Variants in RXFP1 observed in about 807,000 individuals in gnomAD.
The protein encoded by RXFP1 is relaxin receptor 1.
A neutral mutation model predicts 89.8 loss-of-function variants in RXFP1; 73 were observed. That is an observed-to-expected ratio of 0.81 (90% confidence interval 0.67 to 0.99). RXFP1 has a LOEUF of 0.99. Ranked by LOEUF, RXFP1 falls within the 50% of genes least tolerant of loss-of-function variation. The probability of loss-of-function intolerance (pLI) is 0.00; values close to 1 mark genes in which losing one functional copy is unlikely to be tolerated. For synonymous variants in RXFP1, 277 were observed against 305.5 expected (o/e 0.91, Z 0.97); for missense variants, 793 against 895.5 (o/e 0.89, Z 1.46).
chr4:158,647,786 G>A (rs1393429355), intron 16 of RXFP1, among the ~76,000 whole-genome samples: 5 of 152,140 alleles, frequency 3.3e-5, no homozygotes, highest in Admixed American at 6.5e-5. Flanking sequence ...GGGAGGCCGA[G>A]GCGGGCCAAT....
rs1387627033 is a variant in RXFP1, at chr4:158,651,770, T to C, written c.1989T>C (p.Ser663=). The C allele has an allele frequency of 5.6e-6, 9 of 1,610,484 alleles. No individual in the cohort carries two copies. The highest frequency in any genetic ancestry group is 7.6e-6 in the Non-Finnish European group (9 of 1,178,314). ...TTTCTTTTTTAGGTACCATAACCTC[T>C]TGGGTAGTGATTTTTATTCTGCCCA... ...LQVEIPGTIT[S]WVVIFILPIN... The change falls in exon 18 of 18, where the codon TCT becomes TCC. Residue 663 remains serine (S), a synonymous_variant. Transcript: ENST00000307765.
chr4:158,544,250 C>A (rs1747608753), intron 1 of RXFP1: 4 of 985,258 alleles, frequency 4.1e-6, no homozygotes, highest in Non-Finnish European at 2.4e-6. Flanking sequence ...TGTCTATTTA[C>A]ATACATCATG....
At chr4:158,578,861 GA>G (rs1756777384) in intron 2 of RXFP1, among the ~76,000 whole-genome samples, 1 of 151,764 alleles carries the variant, frequency 6.6e-6, no homozygotes, top group Non-Finnish European at 1.5e-5. Flanking sequence ...ACCCATAGGG[GA>G]AATGGAAAAC....
intron 1 of RXFP1, among the ~76,000 whole-genome samples, chr4:158,566,575 G>A (rs947199625): frequency 2.6e-5 from 4 of 152,076 alleles, no homozygotes; most frequent in Admixed American, 2.6e-4. Context: ...ACGTTGGCCA[G>A]GCTGGTCTCC....
chr4:158,575,132 TG>T (rs1312135700), intron 2 of RXFP1, among the ~76,000 whole-genome samples: 1 of 152,126 alleles, frequency 6.6e-6, no homozygotes, highest in Non-Finnish European at 1.5e-5. Flanking sequence ...AAAAAAAGCT[TG>T]GGAACTCTAG....
At chr4:158,636,665 C>T (rs1305214540) in intron 12 of RXFP1, among the ~76,000 whole-genome samples, 1 of 152,200 alleles carries the variant, frequency 6.6e-6, no homozygotes, top group Admixed American at 6.5e-5. Flanking sequence ...ATCAGTACAA[C>T]ATGATGTTTT....
At chr4:158,529,279 G>T (rs1463734107) in intron 1 of RXFP1, among the ~76,000 whole-genome samples, 1 of 147,760 alleles carries the variant, frequency 6.8e-6, no homozygotes, top group Non-Finnish European at 1.5e-5. Flanking sequence ...TTGTTTATGA[G>T]ACAGGGTTTT....
At chr4:158,539,346 G>T (rs576214293) in intron 1 of RXFP1, among the ~76,000 whole-genome samples, 1 of 152,172 alleles carries the variant, frequency 6.6e-6, no homozygotes. Context: ...TGGGGGGAGG[G>T]GGAAGGGATA....
At chr4:158,641,797 C>A (rs1022897503) in intron 14 of RXFP1, among the ~76,000 whole-genome samples, 1 of 152,004 alleles carries the variant, frequency 6.6e-6, no homozygotes, top group Admixed American at 6.5e-5. Context: ...AATTTCCTAG[C>A]AAATAACTTG....
intron 4 of RXFP1, 139 bp from the exon 5 acceptor site, chr4:158,604,928 TA>T (rs1320149806): frequency 2.1e-6 from 1 of 472,032 alleles, no homozygotes; most frequent in Non-Finnish European, 3.9e-6. Flanking sequence ...AGTGATATGA[TA>T]AATATGAGAG....
At chr4:158,646,063 G>A (rs1011444577) in intron 15 of RXFP1, among the ~76,000 whole-genome samples, 3 of 152,032 alleles carry the variant, frequency 2.0e-5, no homozygotes, top group East Asian at 1.9e-4. Context: ...ATGCTTGTGC[G>A]ATCCAAAAAT....
At chr4:158,563,644 T>C (rs1752951165) in intron 1 of RXFP1, among the ~76,000 whole-genome samples, 1 of 151,960 alleles carries the variant, frequency 6.6e-6, no homozygotes. Flanking sequence ...CTGTCACATA[T>C]AATCTGCATT....
chr4:158,598,570 T>G (rs1761076874), intron 3 of RXFP1, among the ~76,000 whole-genome samples: 1 of 152,200 alleles, frequency 6.6e-6, no homozygotes, highest in African/African-American at 2.4e-5. Flanking sequence ...TCTGTTTAGC[T>G]ATATGAATAC....
chr4:158,552,335 C>T (rs922641386), intron 1 of RXFP1, among the ~76,000 whole-genome samples: 22 of 152,186 alleles, frequency 1.4e-4, no homozygotes, highest in African/African-American at 4.8e-4. Flanking sequence ...GTACAAAATC[C>T]GTGGCTAGAA....
intron 2 of RXFP1, among the ~76,000 whole-genome samples, chr4:158,576,022 C>T (rs980678140): frequency 1.3e-5 from 2 of 152,144 alleles, no homozygotes; most frequent in African/African-American, 4.8e-5. Flanking sequence ...TGCCTGGGAC[C>T]TTGTCTGTGT....
chr4:158,634,215 C>G lies in RXFP1; in HGVS notation c.971+739C>G, dbSNP rs534220998. Reference sequence around the variant, plus strand: ...TTCTGTTTTTTTGATAATAGGCATGCTAATGGATGTGAAATGGTATCTCAC... The same window carrying G: ...TTCTGTTTTTTTGATAATAGGCATGGTAATGGATGTGAAATGGTATCTCAC... On this transcript the variant is annotated intron_variant, in intron 12 of 17. Transcript: ENST00000307765. 4.6e-5 allele frequency among the ~76,000 whole-genome samples: 7 copies of G among 152,264 alleles called. No individual in the cohort carries two copies. The East Asian group carries it at 1.4e-3, about 29-fold the overall frequency.
chr4:158,583,178 G>A (rs1009270612), intron 2 of RXFP1, among the ~76,000 whole-genome samples: 10 of 152,312 alleles, frequency 6.6e-5, no homozygotes, highest in African/African-American at 1.7e-4. Flanking sequence ...TTATTTATGG[G>A]TGTGATGGTG....
intron 1 of RXFP1, among the ~76,000 whole-genome samples, chr4:158,568,769 C>T (rs772569917): frequency 6.6e-6 from 1 of 152,200 alleles, no homozygotes; most frequent in Non-Finnish European, 1.5e-5. Context: ...GCCTTTCATA[C>T]ATGGATTGCT....
At chr4:158,624,062 C>T (rs980723055) in intron 9 of RXFP1, among the ~76,000 whole-genome samples, 6 of 151,986 alleles carry the variant, frequency 3.9e-5, no homozygotes, top group Non-Finnish European at 8.8e-5. Context: ...TGTACGTGCA[C>T]CTAATCCTAA....
Sources: gnomAD v4.1 joint callset for allele counts (sites outside exome capture counted in the v4.1 genomes callset) on GRCh38, gnomAD v4.1.1 for gene constraint, MANE v1.5 for transcripts, NCBI Gene and HGNC (gene_info 2026-07-23, HGNC 2026-07-21) for gene names.